The following SP140 variants were observed in gnomAD, a reference collection of about 807,000 sequenced individuals.
SP140 encodes the protein SP140 nuclear body protein, also known as nuclear body protein SP140.
Under a neutral mutation model 125.0 loss-of-function variants are expected in SP140, and 81 were observed. The ratio of observed to expected loss-of-function variants is 0.65; its 90% CI spans 0.54 to 0.78. The LOEUF is 0.78. Ranked by LOEUF, SP140 falls within the 30% of genes least tolerant of loss-of-function variation. The pLI is 0.00. For synonymous variants in SP140, 312 were observed against 354.0 expected (o/e 0.88, Z 1.33); for missense variants, 858 against 1,037.0 (o/e 0.83, Z 2.37).
At chr2:230,306,921 G>C (rs921086122) in intron 22 of SP140, among the ~76,000 whole-genome samples, 1 of 152,246 alleles carries the variant, frequency 6.6e-6, no homozygotes, top group Non-Finnish European at 1.5e-5. Context: ...TGAAGGCTGG[G>C]AACTGGGCTG....
chr2:230,259,246 C>T (rs2051774410), intron 12 of SP140, among the ~76,000 whole-genome samples: 1 of 152,126 alleles, frequency 6.6e-6, no homozygotes. Flanking sequence ...ATCCCTCGCA[C>T]CCCTCCCACT....
chr2:230,225,678 G>A (rs2046224560), upstream of SP140: 4 of 681,948 alleles, frequency 5.9e-6, no homozygotes, highest in Non-Finnish European at 1.1e-5. Context: ...GAGATTGGGT[G>A]GAGGGAGGAC....
chr2:230,260,338 A>G (rs2052020694), intron 12 of SP140, among the ~76,000 whole-genome samples: 1 of 152,126 alleles, frequency 6.6e-6, no homozygotes, highest in African/African-American at 2.4e-5. Flanking sequence ...GATTATGGAT[A>G]TTAGTCTTTT....
intron 18 of SP140, 89 bp from the exon 19 acceptor site, chr2:230,290,371 T>A: frequency 1.7e-6 from 2 of 1,153,586 alleles, no homozygotes; most frequent in Non-Finnish European, 2.5e-6. Flanking sequence ...TTCCTAAGTA[T>A]CCCTCGTGTC....
intron 7 of SP140, 107 bp from the exon 8 acceptor site, chr2:230,247,809 C>A (rs2049707681): frequency 8.8e-7 from 1 of 1,142,712 alleles, no homozygotes; most frequent in Non-Finnish European, 1.3e-6. Context: ...TAGCCCTGTG[C>A]TTGAAAAAGT....
At chr2:230,306,519 C>T (rs1176425927) in intron 22 of SP140, among the ~76,000 whole-genome samples, 1 of 152,240 alleles carries the variant, frequency 6.6e-6, no homozygotes, top group Non-Finnish European at 1.5e-5. Context: ...AGGCCTGGGC[C>T]TCCCAGTGCT....
intron 18 of SP140, among the ~76,000 whole-genome samples, chr2:230,288,937 T>A (rs577425491): frequency 1.3e-5 from 2 of 152,290 alleles, no homozygotes; most frequent in African/African-American, 4.8e-5. Flanking sequence ...CACACGTGTG[T>A]GTGTCTTTAT....
chr2:230,266,690 G>A (rs964878514), intron 12 of SP140, among the ~76,000 whole-genome samples: 1 of 152,196 alleles, frequency 6.6e-6, no homozygotes. Context: ...CCAGTTCCTC[G>A]TGGTTGTTGA....
chr2:230,269,095 A>G (rs2053553384), intron 12 of SP140, among the ~76,000 whole-genome samples: 1 of 152,204 alleles, frequency 6.6e-6, no homozygotes. Context: ...GCATTTGGCC[A>G]TCAATGCAGG....
At chr2:230,286,738 AT>A (rs2056436086) in intron 17 of SP140, among the ~76,000 whole-genome samples, 1 of 152,128 alleles carries the variant, frequency 6.6e-6, no homozygotes, top group Non-Finnish European at 1.5e-5. Flanking sequence ...GGCCTGGTGC[AT>A]TGTCCTAGGA....
At chr2:230,295,994 T>A (rs1217233696) in intron 21 of SP140, among the ~76,000 whole-genome samples, 1 of 152,082 alleles carries the variant, frequency 6.6e-6, no homozygotes, top group Non-Finnish European at 1.5e-5. Context: ...ATGCCAGCAT[T>A]TTGAGAGGCT....
At position 230,241,570 on chromosome 2, in the gene SP140, CT is replaced by C. The variant is rs1053526718; in HGVS notation, c.490+84del. The C allele has an allele frequency of 5.3e-5, 42 of 794,514 alleles. No homozygotes were observed. In the African/African-American group the frequency reaches 6.8e-4, roughly 13 times the overall value. The allele number at this position is 794,514 out of a possible 1,614,324, so 49.2% of individuals were successfully genotyped here. ...GGAGGCAAATCTTGTATTTCCTCTCCTGTCTTAGCCCTCTGTTATCTCCCAG... is the reference window on the plus strand; with the variant it reads ...GGAGGCAAATCTTGTATTTCCTCTCCGTCTTAGCCCTCTGTTATCTCCCAG... On this transcript the variant is annotated intron_variant, in intron 4 of 26. Coordinates refer to ENST00000392045, the MANE Select transcript of SP140 (RefSeq NM_007237.5).
At chr2:230,316,062 A>T (rs1289510981), downstream of SP140, among the ~76,000 whole-genome samples, 4 of 152,236 alleles carry the variant, frequency 2.6e-5, no homozygotes, top group African/African-American at 4.8e-5. Flanking sequence ...GCTCCAGGGC[A>T]ATGTGAATCC....
intron 22 of SP140, among the ~76,000 whole-genome samples, chr2:230,300,413 A>T (rs573798340): frequency 6.6e-6 from 1 of 152,126 alleles, no homozygotes; most frequent in Non-Finnish European, 1.5e-5. Flanking sequence ...CTCCCCTGCT[A>T]CCTCCACTGG....
chr2:230,274,756 C>G (rs2054467218), intron 15 of SP140, among the ~76,000 whole-genome samples: 1 of 151,892 alleles, frequency 6.6e-6, no homozygotes, highest in South Asian at 2.1e-4. Context: ...ATTACTTACA[C>G]CTTTATGCTT....
chr2:230,228,212 T>C lies in SP140; in HGVS notation c.59+2309T>C, dbSNP rs147942537. 2.7e-4 allele frequency among the ~76,000 whole-genome samples: 41 copies of C among 152,364 alleles called. 1 individual carries two copies. The highest frequency in any genetic ancestry group is 8.9e-4 in the African/African-American group (37 of 41,586). ...GAAATATTTTGGAATTTTCCAGCTA[T>C]TTTTCTGTTACTGATTTCTAGTTTA... is the stretch of plus-strand genomic sequence containing the variant. On this transcript the variant is annotated intron_variant, in intron 1 of 26. Transcript: ENST00000392045.
chr2:230,220,172 G>A, intron 3 of SP140: 1 of 699,898 alleles, frequency 1.4e-6, no homozygotes, highest in Non-Finnish European at 1.8e-6. Flanking sequence ...TGCCAGTTGG[G>A]ATCAGCCCAG....
chr2:230,252,963 A>G lies in SP140; in HGVS notation c.1058-353A>G, dbSNP rs535408738. ...GAGGGAAGGGAGATCGTGGAAACAC[A>G]GCATGGAAATAGAGCCTGCTCTATG... On this transcript the variant is annotated intron_variant, in intron 10 of 26. Coordinates refer to ENST00000392045, the MANE Select transcript of SP140 (RefSeq NM_007237.5). Among the ~76,000 whole-genome samples, 7 of 152,332 alleles carry G rather than the reference A, an allele frequency of 4.6e-5. No homozygotes were observed. In the South Asian group the frequency reaches 1.2e-3, roughly 27 times the overall value.
Position 230,270,228 on chromosome 2 carries a change from A to G in SP140, c.1444+275A>G, listed in dbSNP as rs540920416. ...GCATTAGTATATTAAGTTACACCCA[A>G]TCTTCCATGAAGCCCAGGATACCCC... On this transcript the variant is annotated intron_variant, in intron 14 of 26. Transcript: ENST00000392045. Among the ~76,000 whole-genome samples the G allele has an allele frequency of 3.9e-5, 6 of 152,294 alleles. No individual in the cohort carries two copies. In the South Asian group the frequency reaches 1.2e-3, roughly 32 times the overall value.
Sources: gnomAD v4.1 joint callset for allele counts (sites outside exome capture counted in the v4.1 genomes callset) on GRCh38, gnomAD v4.1.1 for gene constraint, MANE v1.5 for transcripts, NCBI Gene and HGNC (gene_info 2026-07-23, HGNC 2026-07-21) for gene names.